SCUBE2: variants seen among roughly 807,000 people sequenced by gnomAD.
The protein encoded by SCUBE2 is signal peptide, CUB and EGF-like domain-containing protein 2.
Under a neutral mutation model 125.9 loss-of-function variants are expected in SCUBE2, and 114 were observed. The ratio of observed to expected loss-of-function variants is 0.91; its 90% CI spans 0.78 to 1.06. The LOEUF (loss-of-function observed/expected upper bound fraction) is 1.06, where lower values mean the gene tolerates loss of function less well. Ranked by LOEUF, SCUBE2 falls within the 50% of genes least tolerant of loss-of-function variation. The pLI is 0.00. For synonymous variants in SCUBE2, 459 were observed against 492.9 expected (o/e 0.93, Z 0.91); for missense variants, 1,255 against 1,301.8 (o/e 0.96, Z 0.55).
rs537582260 is a variant in SCUBE2, at chr11:9,041,738, C to T, written c.2002+5618G>A. ...TGACTACGGCTCCTTCAAAGAGCTT[C>T]GTTCTACACAGAATGGGGGACACAG... On this transcript the variant is annotated intron_variant, in intron 16 of 22. Coordinates refer to ENST00000649792, the MANE Select transcript of SCUBE2 (RefSeq NM_001367977.2). Among the ~76,000 whole-genome samples the T allele has an allele frequency of 2.0e-5, 3 of 150,392 alleles. No homozygotes were observed. In the East Asian group the frequency reaches 6.0e-4, roughly 30 times the overall value.
rs59345458 is a variant in SCUBE2 at position 9,085,657 on chromosome 11, C to T, written c.256+4050G>A. On this transcript the variant is annotated intron_variant, in intron 2 of 22. Coordinates refer to ENST00000649792, the MANE Select transcript of SCUBE2 (RefSeq NM_001367977.2). ...AGGAGAATAACTTGAACCTGGGAGG[C>T]GGAGGTTGCAATAAGCCAACATCAC... 4.6e-5 allele frequency among the ~76,000 whole-genome samples: 7 copies of T among 151,706 alleles called. No individual in the cohort carries two copies. The East Asian group carries it at 7.7e-4, about 17-fold the overall frequency.
At chr11:9,088,573 C>CT (rs1268342072) in intron 2 of SCUBE2, among the ~76,000 whole-genome samples, 1 of 152,226 alleles carries the variant, frequency 6.6e-6, no homozygotes, top group Non-Finnish European at 1.5e-5. Flanking sequence ...GAAGGACTTT[C>CT]TTACTCATTG....
rs1002955471 is a variant in SCUBE2, at chr11:9,069,415, A to G, written c.598T>C (p.Cys200Arg). The change falls in exon 5 of 23, where the codon TGC becomes CGC. Residue 200 changes from cysteine (C) to arginine (R), a missense_variant. This residue lies in a region of SCUBE2 where 362 missense variants were observed against 323.0 expected (regional missense o/e 1.12). Transcript: ENST00000649792. ...EAPRGSVACE[C>R]RPGFELAKNQ... ...TTGGCCAGCTCAAAACCAGGCCTGC[A>G]CTCACAGGCGACGCTGCCCCTTGGG... 3.1e-6 allele frequency: 5 copies of G among 1,614,098 alleles called. No individual in the cohort carries two copies. Among genetic ancestry groups the G allele is most frequent in the Non-Finnish European group, 4.2e-6 (5 of 1,180,040 alleles).
chr11:9,047,490 T>C lies in SCUBE2; in HGVS notation c.1868A>G (p.Lys623Arg). The C allele has an allele frequency of 1.9e-6, 3 of 1,614,022 alleles. No homozygotes were observed. The Admixed American group carries it at 5.0e-5, about 27-fold the overall frequency. ...GTGAAACTGCTCCCTGTGGACGGCC[T>C]TTCTGAGCGTGCGGATGGCTTTACG... is the stretch of plus-strand genomic sequence containing the variant. ...RLRKAIRTLR[K>R]AVHREQFHLQ... The change falls in exon 16 of 23, where the codon AAG becomes AGG. Residue 623 changes from lysine to arginine, a missense_variant. Lys to Arg is a conservative substitution (Grantham distance 26). Around this residue, in one of 3 missense-constraint regions of SCUBE2, gnomAD observed 515 missense variants for 515.7 expected, o/e 1.00. Transcript: ENST00000649792.
chr11:9,084,394 A>G (rs1257510431), intron 2 of SCUBE2, among the ~76,000 whole-genome samples: 2 of 152,220 alleles, frequency 1.3e-5, no homozygotes, highest in South Asian at 2.1e-4. Flanking sequence ...AATTACCAGG[A>G]GACACACATC....
intron 16 of SCUBE2, among the ~76,000 whole-genome samples, chr11:9,036,273 A>C (rs1304806017): frequency 6.6e-6 from 1 of 152,240 alleles, no homozygotes; most frequent in Non-Finnish European, 1.5e-5. Context: ...CTGATGGCAA[A>C]TAGAGTATAA....
At chr11:9,032,290 T>C (rs1400226147) in intron 17 of SCUBE2, among the ~76,000 whole-genome samples, 1 of 152,138 alleles carries the variant, frequency 6.6e-6, no homozygotes, top group African/African-American at 2.4e-5. Flanking sequence ...ATTTTTTGTT[T>C]TTTTTAATTT....
chr11:9,050,989 C>T (rs567908252), intron 13 of SCUBE2, among the ~76,000 whole-genome samples: 44 of 152,088 alleles, frequency 2.9e-4, no homozygotes, highest in Non-Finnish European at 5.6e-4. Flanking sequence ...ATGGTGAAAC[C>T]CCATCTCTAC....
chr11:9,039,433 C>A (rs1212250902), intron 16 of SCUBE2, among the ~76,000 whole-genome samples: 1 of 152,114 alleles, frequency 6.6e-6, no homozygotes. Context: ...CGAGGTGCCC[C>A]TTACTGAGAT....
intron 9 of SCUBE2, among the ~76,000 whole-genome samples, chr11:9,057,786 G>C (rs1376327479): frequency 6.6e-6 from 1 of 152,088 alleles, no homozygotes; most frequent in Non-Finnish European, 1.5e-5. Flanking sequence ...ACCTGCCTCA[G>C]CCTCCCAAAG....
chr11:9,082,134 C>A lies in SCUBE2; in HGVS notation c.257-2625G>T, dbSNP rs192290260. ...GGCTTATTGTCCATTTGCATATCATCTTAGCTGAAATGTCTATTCAGATAT... is the reference window on the plus strand; with the variant it reads ...GGCTTATTGTCCATTTGCATATCATATTAGCTGAAATGTCTATTCAGATAT... On this transcript the variant is annotated intron_variant, in intron 2 of 22. Transcript: ENST00000649792. Among the ~76,000 whole-genome samples the A allele has an allele frequency of 8.6e-4, 131 of 152,302 alleles. 3 individuals are homozygous for A. Among genetic ancestry groups the A allele is most frequent in the African/African-American group, 3.1e-3 (128 of 41,568 alleles).
At chr11:9,055,568 TC>T (rs1348438937) in intron 10 of SCUBE2, among the ~76,000 whole-genome samples, 1 of 152,232 alleles carries the variant, frequency 6.6e-6, no homozygotes, top group East Asian at 1.9e-4. Flanking sequence ...AGAGCTCAGT[TC>T]TTCTCTCTGC....
At position 9,020,560 on chromosome 11, in the gene SCUBE2, A is replaced by AG. The variant is rs1855221699; in HGVS notation, c.*484dup. ...CTCAAGGTGGGTGGAGGGAGCCTGCAGGGGTCTCCTTCCCTCCCCTCTTGC... is the reference window on the plus strand; with the variant it reads ...CTCAAGGTGGGTGGAGGGAGCCTGCAGGGGGTCTCCTTCCCTCCCCTCTTGC... On this transcript the variant is annotated 3_prime_UTR_variant, in exon 23 of 23. Coordinates refer to ENST00000649792, the MANE Select transcript of SCUBE2 (RefSeq NM_001367977.2). 1.3e-5 allele frequency: 2 copies of AG among 152,198 alleles called. No individual in the cohort carries two copies. Among genetic ancestry groups the AG allele is most frequent in the Non-Finnish European group, 2.9e-5 (2 of 68,076 alleles). The allele number at this position is 152,198 out of a possible 1,614,324, so 9.4% of individuals were successfully genotyped here. A position where few individuals can be genotyped will look rare whatever the true frequency, so the allele number is the denominator to read the frequency against.
At chr11:9,028,664 G>GA (rs1339116613) in intron 19 of SCUBE2, among the ~76,000 whole-genome samples, 4 of 151,978 alleles carry the variant, frequency 2.6e-5, no homozygotes, top group Admixed American at 6.5e-5. Flanking sequence ...ATTATTACTA[G>GA]AAAAAAAATA....
intron 7 of SCUBE2, among the ~76,000 whole-genome samples, chr11:9,063,721 G>A (rs1486102632): frequency 6.6e-6 from 1 of 152,230 alleles, no homozygotes; most frequent in Non-Finnish European, 1.5e-5. Context: ...AAAGGGAATT[G>A]TAGGCTGATG....
chr11:9,042,555 T>A (rs1342893781), intron 16 of SCUBE2, among the ~76,000 whole-genome samples: 1 of 152,218 alleles, frequency 6.6e-6, no homozygotes. Flanking sequence ...CTTTTATGTA[T>A]CTTTTTCATC....
At position 9,027,270 on chromosome 11, in the gene SCUBE2, G is replaced by A. The variant is rs151206328; in HGVS notation, c.2701+94C>T. ...ACCTCTGCTCTAATATGGAGGTGAC[G>A]TTCTAGGCCTGCCTCCTCACATTGA... On this transcript the variant is annotated intron_variant, in intron 20 of 22. Coordinates refer to ENST00000649792, the MANE Select transcript of SCUBE2 (RefSeq NM_001367977.2). The A allele has an allele frequency of 1.9e-4, 239 of 1,228,638 alleles. No homozygotes were observed. In the African/African-American group the frequency reaches 2.6e-3, roughly 14 times the overall value. 76.1% of individuals were successfully genotyped at this position (1,228,638 alleles called of 1,614,324 possible).
rs927776749 is a variant in SCUBE2, at chr11:9,048,384, A to G, written c.1640-286T>C. Among the ~76,000 whole-genome samples the G allele has an allele frequency of 3.9e-5, 6 of 152,230 alleles. No homozygotes were observed. The East Asian group carries it at 1.2e-3, about 29-fold the overall frequency. The stretch of plus-strand genomic sequence containing the variant: ...ACTAGCCACATATGTGGAAGACAAG[A>G]ACCAGGGATTGTCTTGCATTCCTTA... On this transcript the variant is annotated intron_variant, in intron 14 of 22. Transcript: ENST00000649792.
chr11:9,022,122 C>T, intron 21 of SCUBE2, 167 bp from the exon 22 acceptor site: 1 of 587,792 alleles, frequency 1.7e-6, no homozygotes, highest in Non-Finnish European at 3.1e-6. Context: ...AGACTCCCAC[C>T]ACCACCTCTC....
Sources: gnomAD v4.1 joint callset for allele counts (sites outside exome capture counted in the v4.1 genomes callset) on GRCh38, gnomAD v4.1.1 for gene constraint, gnomAD v4.1.1 regional missense constraint, MANE v1.5 for transcripts, NCBI Gene and HGNC (gene_info 2026-07-23, HGNC 2026-07-21) for gene names.